ITM2B: variants seen among roughly 807,000 people sequenced by gnomAD.
ITM2B encodes the protein integral membrane protein 2B.
A neutral mutation model predicts 27.8 loss-of-function variants in ITM2B; 11 were observed. That is an observed-to-expected ratio of 0.40 (90% confidence interval 0.25 to 0.66). The LOEUF is 0.66. Among genes scored for constraint, ITM2B ranks in the 30% least tolerant of loss-of-function variants. ITM2B has a pLI of 0.43. For synonymous variants in ITM2B, 114 were observed against 114.3 expected (o/e 1.00, Z 0.02); for missense variants, 296 against 328.9 (o/e 0.90, Z 0.77).
chr13:48,244,899 A>G (rs915347767), intron 1 of ITM2B, among the ~76,000 whole-genome samples: 4 of 152,230 alleles, frequency 2.6e-5, no homozygotes, highest in African/African-American at 9.7e-5. Flanking sequence ...TATTATTAAC[A>G]ATAAATAACA....
At chr13:48,237,219 T>C (rs1951673389) in intron 1 of ITM2B, among the ~76,000 whole-genome samples, 1 of 152,250 alleles carries the variant, frequency 6.6e-6, no homozygotes, top group Non-Finnish European at 1.5e-5. Flanking sequence ...GAGAGCTTGG[T>C]TCTCTTTAAC....
intron 1 of ITM2B, among the ~76,000 whole-genome samples, chr13:48,238,991 TATA>T (rs1951684652): frequency 6.6e-6 from 1 of 152,164 alleles, no homozygotes; most frequent in African/African-American, 2.4e-5. Flanking sequence ...TATATATGAT[TATA>T]ATGTTTTAAA....
In ITM2B at chr13:48,258,824, C is replaced by G. The variant is rs1399450258; in HGVS notation, c.592C>G (p.Leu198Val). The change falls in exon 5 of 6, where the codon CTG becomes GTG. Residue 198 changes from leucine to valine, a missense_variant. By Grantham distance (32) the Leu-to-Val change is conservative (BLOSUM62 1). Transcript: ENST00000647800. ...TGGAACCTATTTGCCTCAGTCCTAT[C>G]TGATTCATGAGCACATGGTTATTAC... ...KAGTYLPQSY[L>V]IHEHMVITDR... is the part of the protein sequence containing the mutation. The G allele has an allele frequency of 3.1e-6, 5 of 1,613,802 alleles. No individual in the cohort carries two copies. Among genetic ancestry groups the G allele is most frequent in the Non-Finnish European group, 4.2e-6 (5 of 1,179,704 alleles).
intron 1 of ITM2B, among the ~76,000 whole-genome samples, chr13:48,242,941 A>G (rs2137982394): frequency 6.6e-6 from 1 of 152,308 alleles, no homozygotes; most frequent in South Asian, 2.1e-4. Context: ...GGAAGTAAAC[A>G]AACATTTCAC....
At chr13:48,256,748 C>T (rs1951791610) in intron 3 of ITM2B, among the ~76,000 whole-genome samples, 1 of 152,144 alleles carries the variant, frequency 6.6e-6, no homozygotes, top group Non-Finnish European at 1.5e-5. Flanking sequence ...AGTTCTCATT[C>T]TATATTTTTC....
chr13:48,254,393 G>T (rs1186459694), intron 2 of ITM2B, among the ~76,000 whole-genome samples: 1 of 152,140 alleles, frequency 6.6e-6, no homozygotes. Context: ...TTCTTTTCCA[G>T]TCATGGTTTC....
At position 48,270,163 on chromosome 13, in the gene ITM2B, C is replaced by T. The variant is rs1951876517; in HGVS notation, c.*8939C>T. ...GTCAAGAAGGCTTATGCCCAGGTAT[C>T]CCTGTGGCTATGAGCATTGCTCCTT... On this transcript the variant is annotated 3_prime_UTR_variant, in exon 6 of 6. Coordinates refer to ENST00000647800, the MANE Select transcript of ITM2B (RefSeq NM_021999.5). 1 of 152,228 alleles carries T rather than the reference C, an allele frequency of 6.6e-6. No homozygotes were observed. Among genetic ancestry groups the T allele is most frequent in the Admixed American group, 6.5e-5 (1 of 15,282 alleles). 9.4% of individuals were successfully genotyped at this position (152,228 alleles called of 1,614,324 possible).
rs1951855133 is a variant in ITM2B, at chr13:48,266,651, A to T, written c.*5427A>T. 1 of 152,106 alleles carries T rather than the reference A, an allele frequency of 6.6e-6. No homozygotes were observed. Among genetic ancestry groups the T allele is most frequent in the African/African-American group, 2.4e-5 (1 of 41,402 alleles). The allele number at this position is 152,106 out of a possible 1,614,324, so 9.4% of individuals were successfully genotyped here. The stretch of plus-strand genomic sequence containing the variant: ...AGACAATCTTCATTATTCAGATGGA[A>T]ATTAATGTTTGTTGAATGAATGAGC... On this transcript the variant is annotated 3_prime_UTR_variant, in exon 6 of 6. Coordinates refer to ENST00000647800, the MANE Select transcript of ITM2B (RefSeq NM_021999.5).
At chr13:48,256,485 T>C (rs1197064192) in intron 3 of ITM2B, 102 bp downstream of exon 3, 1 of 962,834 alleles carries the variant, frequency 1.0e-6, no homozygotes, top group Admixed American at 2.0e-5. Flanking sequence ...ATTTAGAGTT[T>C]AGTTTAATAA....
rs749845636 is a variant in ITM2B, at chr13:48,261,104, CAAAATTTTAA to C, written c.716-30_716-21del. The C allele has an allele frequency of 2.2e-6, 3 of 1,380,650 alleles. No homozygotes were observed. In the South Asian group the frequency reaches 3.6e-5, roughly 17 times the overall value. 85.5% of individuals were successfully genotyped at this position (1,380,650 alleles called of 1,614,324 possible). ...ATGTGAATATTTATTATTAAAGAAT[CAAAATTTTAA>C]AAAACTTTTTTCCCTCTCCAACAGG... On this transcript the variant is annotated intron_variant, in intron 5 of 5. Transcript: ENST00000647800.
intron 1 of ITM2B, among the ~76,000 whole-genome samples, chr13:48,235,000 C>G (rs1174345891): frequency 7.1e-6 from 1 of 141,188 alleles, no homozygotes; most frequent in Non-Finnish European, 1.5e-5. Flanking sequence ...TATATGTAGT[C>G]TTAATGCTAT....
rs1339484751 is a variant in ITM2B, at chr13:48,262,200, C to T, written c.*976C>T. ...ATAACTGTGCTTCTCTGAGAATGCCCGCCTCACAAGTGGAACATTTTGAGT... is the reference window on the plus strand; with the variant it reads ...ATAACTGTGCTTCTCTGAGAATGCCTGCCTCACAAGTGGAACATTTTGAGT... On this transcript the variant is annotated 3_prime_UTR_variant, in exon 6 of 6. Coordinates refer to ENST00000647800, the MANE Select transcript of ITM2B (RefSeq NM_021999.5). The T allele has an allele frequency of 2.0e-5, 3 of 152,014 alleles. No individual in the cohort carries two copies. The highest frequency in any genetic ancestry group is 6.6e-5 in the Admixed American group (1 of 15,248). 9.4% of individuals were successfully genotyped at this position (152,014 alleles called of 1,614,324 possible). A position where few individuals can be genotyped will look rare whatever the true frequency, so the allele number is the denominator to read the frequency against.
In ITM2B at chr13:48,233,956, A is replaced by G. The variant is rs188696406; in HGVS notation, c.117+479A>G. On this transcript the variant is annotated intron_variant, in intron 1 of 5. Transcript: ENST00000647800. Reference sequence around the variant, plus strand: ...CTTGAACAGCACTTGGACTAAGTCCAGCAACTGTAAGCGTCTTAATTTTAA... The same window carrying G: ...CTTGAACAGCACTTGGACTAAGTCCGGCAACTGTAAGCGTCTTAATTTTAA... Among the ~76,000 whole-genome samples, 614 of 152,290 alleles carry G rather than the reference A, an allele frequency of 4.0e-3. 15 individuals are homozygous for G. The highest frequency in any genetic ancestry group is 8.8e-4 in the Non-Finnish European group (60 of 68,014).
chr13:48,251,448 C>G (rs770727855), intron 1 of ITM2B, among the ~76,000 whole-genome samples: 3 of 152,196 alleles, frequency 2.0e-5, no homozygotes, highest in Non-Finnish European at 4.4e-5. Context: ...CCGGACTGAT[C>G]TAACAGGTCT....
chr13:48,253,534 G>A (rs1566162275), intron 1 of ITM2B, among the ~76,000 whole-genome samples: 5 of 152,154 alleles, frequency 3.3e-5, no homozygotes, highest in African/African-American at 9.7e-5. Context: ...AAATTATGGA[G>A]TGTATCATTG....
At chr13:48,255,137 A>T (rs1417899425) in intron 2 of ITM2B, among the ~76,000 whole-genome samples, 5 of 151,792 alleles carry the variant, frequency 3.3e-5, no homozygotes, top group African/African-American at 1.2e-4. Flanking sequence ...TGGCCTCCCA[A>T]AGTGCTAGGA....
At chr13:48,261,052 T>A in intron 5 of ITM2B, 87 bp from the exon 6 acceptor site, 1 of 865,350 alleles carries the variant, frequency 1.2e-6, no homozygotes, top group Non-Finnish European at 1.9e-6. Context: ...AATACTTCTA[T>A]ATGTCTAAAT....
chr13:48,253,744 A>G, intron 1 of ITM2B, 64 bp from the exon 2 acceptor site: 2 of 1,489,600 alleles, frequency 1.3e-6, no homozygotes, highest in Non-Finnish European at 1.9e-6. Flanking sequence ...AGGTTTTTCT[A>G]GTCCTGAGCC....
intron 1 of ITM2B, among the ~76,000 whole-genome samples, chr13:48,234,244 T>G (rs1226429519): frequency 6.6e-6 from 1 of 152,146 alleles, no homozygotes; most frequent in Non-Finnish European, 1.5e-5. Context: ...AAATTCTCCT[T>G]TATTTTACAA....
Sources: gnomAD v4.1 joint callset for allele counts (sites outside exome capture counted in the v4.1 genomes callset) on GRCh38, gnomAD v4.1.1 for gene constraint, MANE v1.5 for transcripts, NCBI Gene and HGNC (gene_info 2026-07-23, HGNC 2026-07-21) for gene names.